Variants in WASF1 observed in about 807,000 individuals in gnomAD.
WASF1 encodes the protein WASP family member 1.
Under a neutral mutation model 50.5 loss-of-function variants are expected in WASF1, and 7 were observed. The ratio of observed to expected loss-of-function variants is 0.14; its 90% CI spans 0.08 to 0.26. The LOEUF (loss-of-function observed/expected upper bound fraction) is 0.26. Ranked by LOEUF, WASF1 falls within the 10% of genes least tolerant of loss-of-function variation. WASF1 has a pLI of 1.00. For synonymous variants in WASF1, 205 were observed against 244.0 expected (o/e 0.84, Z 1.49); for missense variants, 470 against 694.7 (o/e 0.68, Z 3.64).
intron 2 of WASF1, among the ~76,000 whole-genome samples, chr6:110,163,090 G>C (rs1776325675): frequency 6.6e-6 from 1 of 151,400 alleles, no homozygotes; most frequent in Admixed American, 6.6e-5. Flanking sequence ...TCTTAACAAC[G>C]AATACGTCAT....
intron 3 of WASF1, among the ~76,000 whole-genome samples, chr6:110,133,487 C>T (rs1393280312): frequency 6.6e-6 from 1 of 152,186 alleles, no homozygotes; most frequent in African/African-American, 2.4e-5. Context: ...AGTGTTTGTA[C>T]TAGTTTACAT....
chr6:110,149,087 G>A (rs1195065350), intron 3 of WASF1, among the ~76,000 whole-genome samples: 1 of 152,160 alleles, frequency 6.6e-6, no homozygotes, highest in Non-Finnish European at 1.5e-5. Context: ...CAAGTAACTG[G>A]GCTCATGGAG....
intron 4 of WASF1, among the ~76,000 whole-genome samples, chr6:110,115,021 G>A (rs1354274017): frequency 2.0e-5 from 3 of 151,854 alleles, no homozygotes; most frequent in African/African-American, 7.3e-5. Context: ...GAGCCTAGGA[G>A]GTCGAGGCTA....
chr6:110,179,179 C>T (rs894360317), intron 1 of WASF1, among the ~76,000 whole-genome samples: 4 of 152,188 alleles, frequency 2.6e-5, no homozygotes, highest in Admixed American at 6.5e-5. Flanking sequence ...GCGAGAGCAG[C>T]CCCGGGGCGG....
intron 2 of WASF1, among the ~76,000 whole-genome samples, chr6:110,169,836 T>C (rs770026437): frequency 3.9e-5 from 6 of 152,142 alleles, no homozygotes; most frequent in Non-Finnish European, 8.8e-5. Flanking sequence ...ACGTAAGATA[T>C]TTAGTACAAT....
chr6:110,123,259 T>C (rs1362371189), intron 4 of WASF1, among the ~76,000 whole-genome samples: 1 of 150,958 alleles, frequency 6.6e-6, no homozygotes, highest in Non-Finnish European at 1.5e-5. Flanking sequence ...ACCTAGAAGA[T>C]TATCTGTCCC....
intron 3 of WASF1, among the ~76,000 whole-genome samples, chr6:110,143,924 C>T (rs532485813): frequency 4.6e-5 from 7 of 152,258 alleles, no homozygotes; most frequent in East Asian, 3.9e-4. Context: ...GATAAACATA[C>T]GTGTGCATGT....
chr6:110,132,975 C>A (rs1340461621), intron 3 of WASF1, among the ~76,000 whole-genome samples: 1 of 141,828 alleles, frequency 7.1e-6, no homozygotes, highest in Non-Finnish European at 1.5e-5. Flanking sequence ...CACACACACA[C>A]ACACACACAC....
chr6:110,108,137 C>CAAAAAA (rs369773397), intron 6 of WASF1, among the ~76,000 whole-genome samples: 4 of 50,186 alleles, frequency 8.0e-5, no homozygotes, highest in Non-Finnish European at 9.9e-5. Context: ...GACTCCGCCT[C>CAAAAAA]AAAAAAAAAA....
At chr6:110,115,209 G>GA (rs752070822) in intron 4 of WASF1, among the ~76,000 whole-genome samples, 4,625 of 138,750 alleles carry the variant, frequency 0.033, 98 homozygotes, top group Non-Finnish European at 0.044. Flanking sequence ...TCCTATTCCA[G>GA]AAAAAAAAAA....
chr6:110,104,645 T>G (rs1197868377), intron 8 of WASF1, among the ~76,000 whole-genome samples: 1 of 151,970 alleles, frequency 6.6e-6, no homozygotes, highest in Non-Finnish European at 1.5e-5. Flanking sequence ...AAAAATTAGC[T>G]GGGCGTGGTG....
chr6:110,151,656 CAAT>C (rs1775831281), intron 3 of WASF1, among the ~76,000 whole-genome samples: 1 of 152,118 alleles, frequency 6.6e-6, no homozygotes, highest in African/African-American at 2.4e-5. Context: ...CATGAAATCA[CAAT>C]ATTAATCACA....
intron 3 of WASF1, among the ~76,000 whole-genome samples, chr6:110,149,196 CT>C (rs1214697234): frequency 3.3e-5 from 5 of 152,174 alleles, no homozygotes; most frequent in South Asian, 2.1e-4. Context: ...AGTGGCTTTC[CT>C]TTTTTTCCCC....
chr6:110,116,870 T>C, intron 4 of WASF1, among the ~76,000 whole-genome samples: 1 of 152,060 alleles, frequency 6.6e-6, no homozygotes, highest in Non-Finnish European at 1.5e-5. Context: ...CAGCCTCTGG[T>C]GGTGATACCC....
chr6:110,140,759 C>T (rs1775192402), intron 3 of WASF1, among the ~76,000 whole-genome samples: 1 of 152,114 alleles, frequency 6.6e-6, no homozygotes, highest in Non-Finnish European at 1.5e-5. Flanking sequence ...GTACTGAACT[C>T]CCCCTTCTTG....
chr6:110,116,602 T>C (rs967943613), intron 4 of WASF1, among the ~76,000 whole-genome samples: 4 of 152,130 alleles, frequency 2.6e-5, no homozygotes, highest in Non-Finnish European at 4.4e-5. Flanking sequence ...AAGGACGTAG[T>C]AGAACAAAAA....
At chr6:110,163,576 G>A (rs2114607564) in intron 2 of WASF1, among the ~76,000 whole-genome samples, 1 of 151,642 alleles carries the variant, frequency 6.6e-6, no homozygotes, top group South Asian at 2.1e-4. Flanking sequence ...GTCATCATAT[G>A]AATTTGGGGG....
Position 110,101,687 on chromosome 6 carries a change from G to A in WASF1, c.1423C>T (p.Pro475Ser), listed in dbSNP as rs1773095169. Residue 475 changes from proline (P) to serine (S), a missense_variant, in exon 10 of 11, where the codon CCA (proline) becomes TCA (serine). This residue lies in a region of WASF1 where 294 missense variants were observed against 343.5 expected (regional missense o/e 0.86). Coordinates refer to ENST00000392589, the MANE Select transcript of WASF1 (RefSeq NM_003931.3). The stretch of plus-strand genomic sequence containing the variant: ...TCAGAAGCAGGTATAACTTGTGATG[G>A]AGGAGATGGAGGCATTAATGGAACA... Reference protein sequence around the residue: ...PHVPLMPPSPPSQVIPASEPK... With the variant: ...PHVPLMPPSPSSQVIPASEPK... 1.2e-6 allele frequency: 2 copies of A among 1,614,164 alleles called. No individual in the cohort carries two copies. The highest frequency in any genetic ancestry group is 4.5e-5 in the East Asian group (2 of 44,886).
chr6:110,150,682 A>G (rs1453299843), intron 3 of WASF1, among the ~76,000 whole-genome samples: 1 of 152,244 alleles, frequency 6.6e-6, no homozygotes, highest in African/African-American at 2.4e-5. Context: ...TTTTTAAAAA[A>G]GCAATCAAAT....
Sources: gnomAD v4.1 joint callset for allele counts (sites outside exome capture counted in the v4.1 genomes callset) on GRCh38, gnomAD v4.1.1 for gene constraint, gnomAD v4.1.1 regional missense constraint, MANE v1.5 for transcripts, NCBI Gene and HGNC (gene_info 2026-07-23, HGNC 2026-07-21) for gene names.